Variants in LSAMP observed in about 807,000 individuals in gnomAD.
LSAMP encodes the protein limbic system-associated membrane protein.
LSAMP carries 7 observed loss-of-function variants against 38.6 expected under a neutral mutation model. The observed-to-expected ratio is 0.18, with a 90% CI of 0.10 to 0.34. The LOEUF is 0.34. LSAMP is among the 10% of genes least tolerant of loss of function. The pLI is 1.00. For missense variants in LSAMP, 313 were observed against 420.0 expected, an observed-to-expected ratio of 0.75 and a Z score of 2.23; for synonymous variants, 154 against 166.8, an observed-to-expected ratio of 0.92 and a Z score of 0.59.
intron 6 of LSAMP, among the ~76,000 whole-genome samples, chr3:115,841,133 G>A (rs1934983422): frequency 6.6e-6 from 1 of 152,162 alleles, no homozygotes; most frequent in Non-Finnish European, 1.5e-5. Context: ...CTCCAAGATG[G>A]GGTCTCCTAT....
intron 1 of LSAMP, among the ~76,000 whole-genome samples, chr3:116,239,354 T>C (rs576585035): frequency 1.2e-4 from 18 of 152,268 alleles, no homozygotes; most frequent in African/African-American, 4.3e-4. Flanking sequence ...TTTGGAATTA[T>C]AATTTCAGTT....
chr3:116,144,249 A>G (rs1463447616), intron 1 of LSAMP, among the ~76,000 whole-genome samples: 1 of 152,008 alleles, frequency 6.6e-6, no homozygotes, highest in African/African-American at 2.4e-5. Flanking sequence ...CAAATACTTT[A>G]TATTAGGCTG....
Position 116,194,657 on chromosome 3 carries a change from A to G in LSAMP, c.156-108101T>C, listed in dbSNP as rs148584349. ...GTGATCCGCCCACCTCGGCCTCCCA[A>G]AGTGTTGGGATTACAGGCGTGAGCC... On this transcript the variant is annotated intron_variant, in intron 1 of 6. Transcript: ENST00000490035. Among the ~76,000 whole-genome samples, 1,104 of 152,190 alleles carry G rather than the reference A, an allele frequency of 7.3e-3. 12 individuals are homozygous for G. The highest frequency in any genetic ancestry group is 0.026 in the African/African-American group (1,066 of 41,520).
At chr3:115,906,897 A>AT (rs1937020243) in intron 3 of LSAMP, among the ~76,000 whole-genome samples, 1 of 152,192 alleles carries the variant, frequency 6.6e-6, no homozygotes, top group East Asian at 1.9e-4. Flanking sequence ...AATGAGAAGT[A>AT]TAACTTTTGG....
intron 1 of LSAMP, among the ~76,000 whole-genome samples, chr3:116,280,940 T>G (rs77677672): frequency 6.7e-6 from 1 of 149,394 alleles, no homozygotes; most frequent in South Asian, 2.1e-4. Context: ...CTGGAAGACA[T>G]TGAACACACA....
intron 1 of LSAMP, among the ~76,000 whole-genome samples, chr3:116,275,116 C>T (rs758744720): frequency 6.6e-6 from 1 of 152,092 alleles, no homozygotes; most frequent in Non-Finnish European, 1.5e-5. Flanking sequence ...GCAGTGGCAT[C>T]ATCATAGCTT....
intron 1 of LSAMP, among the ~76,000 whole-genome samples, chr3:116,217,040 C>T (rs939896479): frequency 3.9e-5 from 6 of 152,150 alleles, no homozygotes; most frequent in Non-Finnish European, 7.4e-5. Context: ...ATATCACAAT[C>T]GGGAAGCTTT....
intron 1 of LSAMP, among the ~76,000 whole-genome samples, chr3:116,425,807 G>C (rs541263652): frequency 6.6e-6 from 1 of 151,706 alleles, no homozygotes; most frequent in Admixed American, 6.6e-5. Flanking sequence ...TTTTTTGAGA[G>C]GAGGATGGGC....
intron 1 of LSAMP, among the ~76,000 whole-genome samples, chr3:116,096,321 G>A (rs142636879): frequency 0.013 from 1,963 of 152,278 alleles, 19 homozygotes; most frequent in South Asian, 0.028. Context: ...CATTCATTAT[G>A]TAGAAAACCC....
chr3:116,387,553 G>A (rs1313352486), intron 1 of LSAMP, among the ~76,000 whole-genome samples: 4 of 152,068 alleles, frequency 2.6e-5, no homozygotes, highest in Non-Finnish European at 5.9e-5. Context: ...AAAAAACTTA[G>A]TCCAAAGGTT....
chr3:116,437,037 ATG>A (rs540273567), intron 1 of LSAMP, among the ~76,000 whole-genome samples: 1 of 131,160 alleles, frequency 7.6e-6, no homozygotes, highest in Non-Finnish European at 1.6e-5. Context: ...ATATATATAT[ATG>A]TGTATATATA....
chr3:116,404,421 T>A (rs2107830449), intron 1 of LSAMP, among the ~76,000 whole-genome samples: 1 of 152,314 alleles, frequency 6.6e-6, no homozygotes, highest in Non-Finnish European at 1.5e-5. Context: ...TATAGTAAAC[T>A]ATAAGGCACT....
intron 3 of LSAMP, among the ~76,000 whole-genome samples, chr3:115,922,678 C>T (rs1386478390): frequency 6.6e-6 from 1 of 152,052 alleles, no homozygotes; most frequent in Admixed American, 6.6e-5. Context: ...TACCCAGTCT[C>T]TATAGACTTG....
At chr3:115,895,392 A>G (rs1936703715) in intron 3 of LSAMP, among the ~76,000 whole-genome samples, 1 of 152,098 alleles carries the variant, frequency 6.6e-6, no homozygotes, top group South Asian at 2.1e-4. Context: ...AGTTTTGGGT[A>G]TTGGGAGCAA....
At position 115,914,707 on chromosome 3, in the gene LSAMP, C is replaced by G. The variant is rs1304887293; in HGVS notation, c.515-62090G>C. Among the ~76,000 whole-genome samples the G allele has an allele frequency of 2.6e-5, 4 of 152,178 alleles. No individual in the cohort carries two copies. In the East Asian group the frequency reaches 5.8e-4, roughly 22 times the overall value. On this transcript the variant is annotated intron_variant, in intron 3 of 6. Transcript: ENST00000490035. The stretch of plus-strand genomic sequence containing the variant: ...AAAAACTGAAGAGATAAGCATCTCT[C>G]TCATCAACAGGCAGAACTGCTCCTT...
chr3:116,295,696 C>T (rs1443308544), intron 1 of LSAMP, among the ~76,000 whole-genome samples: 2 of 152,080 alleles, frequency 1.3e-5, no homozygotes, highest in African/African-American at 4.8e-5. Flanking sequence ...GTCTTTGTGT[C>T]TTGTGTCTTA....
intron 1 of LSAMP, among the ~76,000 whole-genome samples, chr3:116,200,021 G>A (rs2107591704): frequency 6.6e-6 from 1 of 151,962 alleles, no homozygotes; most frequent in South Asian, 2.1e-4. Flanking sequence ...GGGAATGAAG[G>A]CTATGGTAAT....
intron 3 of LSAMP, among the ~76,000 whole-genome samples, chr3:115,952,927 T>C (rs1254799328): frequency 6.6e-6 from 1 of 152,236 alleles, no homozygotes; most frequent in African/African-American, 2.4e-5. Context: ...TGTCTCCTTG[T>C]AAAGTGCTTT....
chr3:116,351,209 A>T (rs997906347), intron 1 of LSAMP, among the ~76,000 whole-genome samples: 3 of 151,972 alleles, frequency 2.0e-5, no homozygotes, highest in African/African-American at 7.2e-5. Context: ...CATTGCTGAG[A>T]GTGAAGGCAG....
Sources: gnomAD v4.1 joint callset for allele counts (sites outside exome capture counted in the v4.1 genomes callset) on GRCh38, gnomAD v4.1.1 for gene constraint, MANE v1.5 for transcripts, NCBI Gene and HGNC (gene_info 2026-07-23, HGNC 2026-07-21) for gene names.